PI4KA: variants seen among roughly 807,000 people sequenced by gnomAD.
PI4KA encodes phosphatidylinositol 4-kinase alpha.
PI4KA carries 122 observed loss-of-function variants against 271.4 expected under a neutral mutation model. That is an observed-to-expected ratio of 0.45 (90% confidence interval 0.39 to 0.52). The LOEUF (loss-of-function observed/expected upper bound fraction) is 0.52. Among genes scored for constraint, PI4KA ranks in the 20% least tolerant of loss-of-function variants. The pLI, the probability that PI4KA is intolerant of heterozygous loss-of-function variation, is 0.00. For missense variants in PI4KA, 1,969 were observed against 2,769.1 expected, an observed-to-expected ratio of 0.71 and a Z score of 6.48; for synonymous variants, 1,041 against 1,078.8, an observed-to-expected ratio of 0.96 and a Z score of 0.69.
At chr22:20,715,414 A>G (rs1405633452) in intron 45 of PI4KA, among the ~76,000 whole-genome samples, 1 of 151,528 alleles carries the variant, frequency 6.6e-6, no homozygotes, top group African/African-American at 2.4e-5. Context: ...GCTTACTTAA[A>G]TGTCACTATG....
At chr22:20,764,644 TG>T (rs1162209713) in intron 22 of PI4KA, 172 bp downstream of exon 22, 5 of 575,656 alleles carry the variant, frequency 8.7e-6, no homozygotes, top group Non-Finnish European at 1.5e-5. Flanking sequence ...TGGTGTCTGG[TG>T]GTCATGAAGG....
chr22:20,763,383 G>A (rs1932201404), intron 22 of PI4KA, among the ~76,000 whole-genome samples: 2 of 151,842 alleles, frequency 1.3e-5, no homozygotes, highest in Admixed American at 1.3e-4. Context: ...GTGTTGGGAT[G>A]ACAGGAGTGA....
At chr22:20,743,214 C>T (rs1321764048) in intron 30 of PI4KA, among the ~76,000 whole-genome samples, 4 of 150,462 alleles carry the variant, frequency 2.7e-5, no homozygotes, top group African/African-American at 7.4e-5. Flanking sequence ...GGCGTGATCT[C>T]GACTCAGTGC....
At chr22:20,815,379 C>CAAAAAAAAAAAAAAAAAAAAAAAAAA (rs361826) in intron 7 of PI4KA, among the ~76,000 whole-genome samples, 2 of 83,966 alleles carry the variant, frequency 2.4e-5, no homozygotes, top group Non-Finnish European at 4.8e-5. Context: ...GACTGCGTCT[C>CAAAAAAAAAAAAAAAAAAAAAAAAAA]AAAAAAAAAA....
chr22:20,746,056 AAAGAATTTTTTTTTTTTT>A (rs1196182803), intron 29 of PI4KA, among the ~76,000 whole-genome samples: 7 of 140,616 alleles, frequency 5.0e-5, no homozygotes, highest in Non-Finnish European at 7.6e-5. Context: ...AAAAAAAAAA[AAAGAATTTTTTTTTTTTT>A]TTTTTTGAGA....
chr22:20,798,972 C>T (rs1170132570), intron 16 of PI4KA, 121 bp downstream of exon 16: 6 of 790,824 alleles, frequency 7.6e-6, no homozygotes, highest in African/African-American at 3.5e-5. Context: ...GCATTAAAAC[C>T]GTTGTCAGCA....
intron 40 of PI4KA, 53 bp downstream of exon 40, chr22:20,727,721 G>C (rs1259294596): frequency 5.3e-6 from 7 of 1,322,440 alleles, no homozygotes; most frequent in Non-Finnish European, 6.5e-6. Context: ...TCTGGGTGCA[G>C]TGTGCTATTT....
intron 29 of PI4KA, among the ~76,000 whole-genome samples, chr22:20,745,538 G>A (rs1362192234): frequency 2.0e-5 from 3 of 152,066 alleles, no homozygotes; most frequent in African/African-American, 7.3e-5. Flanking sequence ...TACAGATGTT[G>A]GGGAACATCA....
intron 8 of PI4KA, 67 bp downstream of exon 8, chr22:20,813,291 C>T: frequency 8.1e-7 from 1 of 1,234,466 alleles, no homozygotes. Context: ...TTTAAAAATA[C>T]AAGTTTCACC....
In PI4KA at chr22:20,805,603, C is replaced by T. The variant is rs540772497; in HGVS notation, c.1169-438G>A. On this transcript the variant is annotated intron_variant, in intron 10 of 54. Transcript: ENST00000255882. The stretch of plus-strand genomic sequence containing the variant: ...ATCTCAGCAACTTGGGAGGCCGAGG[C>T]GGGCAGATCATGAGGTCAGGAGATC... Among the ~76,000 whole-genome samples the T allele has an allele frequency of 3.9e-4, 59 of 151,918 alleles. 1 individual carries two copies. The South Asian group carries it at 5.0e-3, about 13-fold the overall frequency.
intron 14 of PI4KA, among the ~76,000 whole-genome samples, chr22:20,800,472 C>G (rs905254611): frequency 6.6e-6 from 1 of 152,048 alleles, no homozygotes; most frequent in Admixed American, 6.5e-5. Context: ...CCACAGAAAA[C>G]AAGGTAAAGA....
intron 19 of PI4KA, among the ~76,000 whole-genome samples, chr22:20,791,651 G>A (rs1934652600): frequency 6.6e-6 from 1 of 152,064 alleles, no homozygotes; most frequent in Non-Finnish European, 1.5e-5. Context: ...CCAGCTACTT[G>A]GAAGGCTGAG....
intron 42 of PI4KA, among the ~76,000 whole-genome samples, chr22:20,723,793 T>C (rs1927025487): frequency 6.6e-6 from 1 of 151,790 alleles, no homozygotes; most frequent in Admixed American, 6.6e-5. Flanking sequence ...ATCGTGCCAC[T>C]GCACTCCAGC....
chr22:20,841,173 C>G (rs766036995), intron 1 of PI4KA, among the ~76,000 whole-genome samples: 1 of 152,156 alleles, frequency 6.6e-6, no homozygotes, highest in Non-Finnish European at 1.5e-5. Context: ...AGCCATCGCA[C>G]CCTGCCACCA....
At chr22:20,717,564 G>A (rs1173732790) in intron 45 of PI4KA, 144 bp downstream of exon 45, 3 of 689,384 alleles carry the variant, frequency 4.4e-6, no homozygotes, top group African/African-American at 1.8e-5. Flanking sequence ...TGGGGCACCA[G>A]GCACCGTGGG....
At chr22:20,764,313 A>G (rs1932295464) in intron 22 of PI4KA, among the ~76,000 whole-genome samples, 1 of 152,214 alleles carries the variant, frequency 6.6e-6, no homozygotes, top group African/African-American at 2.4e-5. Context: ...GGTCAACATG[A>G]TAACAGCTGT....
At chr22:20,786,164 T>G (rs773430152) in intron 19 of PI4KA, 28 of 1,613,514 alleles carry the variant, frequency 1.7e-5, no homozygotes, top group Admixed American at 3.3e-5. Flanking sequence ...CACTCCCTTG[T>G]CCACCCCCGA....
chr22:20,783,904 C>T (rs1335764268), intron 19 of PI4KA: 16 of 1,606,716 alleles, frequency 1.0e-5, no homozygotes, highest in East Asian at 4.5e-5. Context: ...ATCAGATTCA[C>T]TCTCAAGGGT....
At chr22:20,776,008 T>C (rs1376946751) in intron 19 of PI4KA, among the ~76,000 whole-genome samples, 2 of 152,176 alleles carry the variant, frequency 1.3e-5, no homozygotes, top group African/African-American at 4.8e-5. Flanking sequence ...CAGTTCTATT[T>C]GCAGCTACAT....
Sources: allele counts gnomAD v4.1 joint callset (sites outside exome capture counted in the v4.1 genomes callset), GRCh38; gene constraint gnomAD v4.1.1; transcripts MANE v1.5; gene names NCBI Gene and HGNC (gene_info 2026-07-23, HGNC 2026-07-21).